SCD5: variants seen among roughly 807,000 people sequenced by gnomAD.
The protein encoded by SCD5 is stearoyl-CoA desaturase 5, also known as acyl-CoA-desaturase 4.
SCD5 carries 20 observed loss-of-function variants against 30.4 expected under a neutral mutation model. The ratio of observed to expected loss-of-function variants is 0.66; its 90% CI spans 0.46 to 0.96. SCD5 has a LOEUF of 0.96. SCD5 is among the 40% of genes least tolerant of loss of function. The probability of loss-of-function intolerance (pLI) is 0.00; values close to 1 mark genes in which losing one functional copy is unlikely to be tolerated. For missense variants in SCD5, 381 were observed against 443.3 expected (o/e 0.86, Z 1.26); for synonymous variants, 173 against 176.4 (o/e 0.98, Z 0.16).
chr4:82,653,676 TGATA>T (rs1553914392), intron 3 of SCD5, among the ~76,000 whole-genome samples: 31 of 136,556 alleles, frequency 2.3e-4, no homozygotes, highest in African/African-American at 4.5e-4. Flanking sequence ...TGAAAGTCAA[TGATA>T]GATAGATAGA....
intron 3 of SCD5, chr4:82,660,980 G>T (rs751438401): frequency 6.2e-7 from 1 of 1,614,176 alleles, no homozygotes; most frequent in Non-Finnish European, 8.5e-7. Flanking sequence ...AATCCGGGAA[G>T]GGTGACTTTC....
chr4:82,684,894 A>G (rs1728667941), intron 2 of SCD5, among the ~76,000 whole-genome samples: 2 of 152,222 alleles, frequency 1.3e-5, no homozygotes, highest in African/African-American at 4.8e-5. Flanking sequence ...CTGACTGTCA[A>G]GTATGGGTAA....
intron 3 of SCD5, among the ~76,000 whole-genome samples, chr4:82,666,142 T>C (rs1263309491): frequency 6.6e-6 from 1 of 152,194 alleles, no homozygotes; most frequent in Non-Finnish European, 1.5e-5. Flanking sequence ...TTATGAAAAC[T>C]TTCTCTACTT....
chr4:82,684,078 T>C (rs1217730254), intron 2 of SCD5, among the ~76,000 whole-genome samples: 1 of 152,168 alleles, frequency 6.6e-6, no homozygotes, highest in Non-Finnish European at 1.5e-5. Flanking sequence ...TTAATTATAA[T>C]ACAACAACAA....
In SCD5 at chr4:82,636,673, G is replaced by A. The variant is rs1252347174; in HGVS notation, c.720C>T (p.Ser240=). The change falls in exon 4 of 5, where the codon AGC becomes AGT. Residue 240 remains serine (S), a synonymous_variant. Coordinates refer to ENST00000319540, the MANE Select transcript of SCD5 (RefSeq NM_001037582.3). ...GCCGGTTTCCATACATGTGGGCGGC[G>A]CTGTTGACCAGCCAGCTGATGTTGA... is the stretch of plus-strand genomic sequence containing the variant. The part of the protein sequence containing the change: ...ISLNISWLVN[S]AAHMYGNRPY... 3.5e-5 allele frequency: 57 copies of A among 1,614,054 alleles called. No individual in the cohort carries two copies. The East Asian group carries it at 8.7e-4, about 25-fold the overall frequency.
At chr4:82,779,066 T>C (rs113403372) in intron 1 of SCD5, among the ~76,000 whole-genome samples, 7,639 of 152,192 alleles carry the variant, frequency 0.05, 271 homozygotes, top group Middle Eastern at 0.085. Context: ...GGTTTCTCCA[T>C]GTTGGTCAGG....
At chr4:82,694,789 C>T (rs921193527) in intron 2 of SCD5, among the ~76,000 whole-genome samples, 1 of 152,110 alleles carries the variant, frequency 6.6e-6, no homozygotes, top group Non-Finnish European at 1.5e-5. Context: ...GGAGGAGGGG[C>T]TGATCTTGCT....
At chr4:82,748,844 A>C (rs1578051072) in intron 1 of SCD5, among the ~76,000 whole-genome samples, 1 of 152,212 alleles carries the variant, frequency 6.6e-6, no homozygotes. Context: ...AGGCCAGGGG[A>C]AAGAGACAGC....
chr4:82,702,214 A>C (rs1329745814), intron 2 of SCD5, among the ~76,000 whole-genome samples: 3 of 126,428 alleles, frequency 2.4e-5, no homozygotes, highest in African/African-American at 9.2e-5. Flanking sequence ...GTGTGATCTC[A>C]TCTCACTGCA....
chr4:82,699,452 T>TC (rs1261696565), intron 2 of SCD5, among the ~76,000 whole-genome samples: 2 of 152,148 alleles, frequency 1.3e-5, no homozygotes, highest in Non-Finnish European at 2.9e-5. Context: ...TGGCACAATC[T>TC]CAACTCACTG....
intron 1 of SCD5, among the ~76,000 whole-genome samples, chr4:82,765,663 C>T (rs1721471089): frequency 6.6e-6 from 1 of 151,544 alleles, no homozygotes; most frequent in African/African-American, 2.4e-5. Flanking sequence ...GTCACCCAAG[C>T]TGGAGTGCAG....
intron 1 of SCD5, among the ~76,000 whole-genome samples, chr4:82,725,631 G>T (rs558025280): frequency 6.6e-6 from 1 of 152,010 alleles, no homozygotes; most frequent in Non-Finnish European, 1.5e-5. Flanking sequence ...AAGCTGAGGT[G>T]GGCAGATCAT....
chr4:82,737,395 T>G (rs566677987), intron 1 of SCD5, among the ~76,000 whole-genome samples: 1 of 152,220 alleles, frequency 6.6e-6, no homozygotes, highest in African/African-American at 2.4e-5. Flanking sequence ...ATTCTGGATG[T>G]TAATTTTTTT....
chr4:82,704,060 AT>A (rs1719916908), intron 2 of SCD5, among the ~76,000 whole-genome samples: 1 of 152,236 alleles, frequency 6.6e-6, no homozygotes, highest in Non-Finnish European at 1.5e-5. Context: ...CAAGCAGTAT[AT>A]ATACACACCA....
intron 1 of SCD5, among the ~76,000 whole-genome samples, chr4:82,778,993 G>T (rs769845611): frequency 1.4e-4 from 21 of 151,820 alleles, no homozygotes; most frequent in Non-Finnish European, 2.4e-4. Flanking sequence ...CAGCTCCCAA[G>T]TAGCTGGGAT....
At position 82,793,998 on chromosome 4, in the gene SCD5, T is replaced by C. The variant is rs116262577; in HGVS notation, c.232+4308A>G. On this transcript the variant is annotated intron_variant, in intron 1 of 4. Coordinates refer to ENST00000319540, the MANE Select transcript of SCD5 (RefSeq NM_001037582.3). ...TCAGGACCAGGTACAGACTACCCGATGCCCAACGGAAGACAGCTCATCTTT... is the reference window on the plus strand; with the variant it reads ...TCAGGACCAGGTACAGACTACCCGACGCCCAACGGAAGACAGCTCATCTTT... Among the ~76,000 whole-genome samples, 1,043 of 152,286 alleles carry C rather than the reference T, an allele frequency of 6.8e-3. 12 individuals are homozygous for C. The highest frequency in any genetic ancestry group is 0.024 in the African/African-American group (977 of 41,564).
intron 1 of SCD5, among the ~76,000 whole-genome samples, chr4:82,769,339 A>C (rs772314995): frequency 6.6e-6 from 1 of 152,232 alleles, no homozygotes; most frequent in Non-Finnish European, 1.5e-5. Context: ...CATGGTTAAT[A>C]AATTAATAAG....
chr4:82,641,976 A>G (rs560762843), intron 3 of SCD5, among the ~76,000 whole-genome samples: 56 of 152,262 alleles, frequency 3.7e-4, no homozygotes, highest in African/African-American at 1.3e-3. Flanking sequence ...GAGATGCCCA[A>G]TATACATCCA....
At chr4:82,712,776 G>C (rs1241864750) in intron 1 of SCD5, among the ~76,000 whole-genome samples, 1 of 152,208 alleles carries the variant, frequency 6.6e-6, no homozygotes, top group Non-Finnish European at 1.5e-5. Context: ...AGGGCTGCCA[G>C]TGACAGGGCA....
Sources: gnomAD v4.1 joint callset for allele counts (sites outside exome capture counted in the v4.1 genomes callset) on GRCh38, gnomAD v4.1.1 for gene constraint, MANE v1.5 for transcripts, NCBI Gene and HGNC (gene_info 2026-07-23, HGNC 2026-07-21) for gene names.